SMYD3: variants seen among roughly 807,000 people sequenced by gnomAD.
SMYD3 encodes histone-lysine N-methyltransferase SMYD3.
Under a neutral mutation model 57.7 loss-of-function variants are expected in SMYD3, and 36 were observed. The observed-to-expected ratio is 0.62, with a 90% CI of 0.48 to 0.82. SMYD3 has a LOEUF of 0.82. Ranked by LOEUF, SMYD3 falls within the 40% of genes least tolerant of loss-of-function variation. The pLI is 0.00. For missense variants in SMYD3, 515 were observed against 538.8 expected (o/e 0.96, Z 0.44); for synonymous variants, 211 against 195.0 (o/e 1.08, Z -0.68).
At chr1:246,059,962 C>G (rs2060222209) in intron 5 of SMYD3, among the ~76,000 whole-genome samples, 1 of 152,046 alleles carries the variant, frequency 6.6e-6, no homozygotes, top group Non-Finnish European at 1.5e-5. Flanking sequence ...CAGAGCTACT[C>G]CAGAGACCAC....
At chr1:245,888,475 A>G (rs2053203651) in intron 8 of SMYD3, among the ~76,000 whole-genome samples, 1 of 152,200 alleles carries the variant, frequency 6.6e-6, no homozygotes, top group South Asian at 2.1e-4. Context: ...CAAGGGCAGT[A>G]CCCACAGTGC....
At chr1:246,443,401 A>G (rs1277527128) in intron 1 of SMYD3, among the ~76,000 whole-genome samples, 1 of 152,258 alleles carries the variant, frequency 6.6e-6, no homozygotes, top group African/African-American at 2.4e-5. Context: ...CTCAAAAGGC[A>G]ACAGTCTCCT....
intron 5 of SMYD3, among the ~76,000 whole-genome samples, chr1:246,185,887 T>C (rs1446105230): frequency 1.3e-5 from 2 of 152,214 alleles, no homozygotes; most frequent in Non-Finnish European, 2.9e-5. Context: ...CTTTAGTTCC[T>C]TGATTCTATG....
At chr1:245,989,614 T>C (rs1484138945) in intron 5 of SMYD3, among the ~76,000 whole-genome samples, 3 of 152,238 alleles carry the variant, frequency 2.0e-5, no homozygotes, top group Non-Finnish European at 4.4e-5. Flanking sequence ...CAACGAAGGC[T>C]TCTGCCTTAA....
chr1:246,446,529 C>T (rs151149490), intron 1 of SMYD3, among the ~76,000 whole-genome samples: 2 of 152,112 alleles, frequency 1.3e-5, no homozygotes, highest in African/African-American at 4.8e-5. Flanking sequence ...ATTAGAGGTG[C>T]TGTTTTTCTA....
chr1:246,111,559 T>C (rs992976951), intron 5 of SMYD3: 1 of 152,266 alleles, frequency 6.6e-6, no homozygotes, highest in Non-Finnish European at 1.5e-5. Context: ...ATAAGCCCTC[T>C]GGCCTCAGGA....
rs138010213 is a variant in SMYD3, at chr1:245,764,124, C to T, written c.1102G>A (p.Val368Ile). The change falls in exon 11 of 12, where the codon GTC (valine) becomes ATC (isoleucine). Residue 368 changes from valine (V) to isoleucine (I), a missense_variant. By Grantham distance (29) the Val-to-Ile change is conservative (BLOSUM62 3). Coordinates refer to ENST00000490107, the MANE Select transcript of SMYD3 (RefSeq NM_001167740.2). ...YRIFFPGSHP[V>I]RGVQVMKVGK... ...ACTTTCATCACTTGAACCCCTCTGA[C>T]GGGATGGCTTCCTGGGAAAAAAATC... The T allele has an allele frequency of 8.6e-5, 138 of 1,614,010 alleles. No individual in the cohort carries two copies. The highest frequency in any genetic ancestry group is 4.1e-4 in the South Asian group (37 of 91,040).
chr1:246,036,420 T>C (rs189257164), intron 5 of SMYD3, among the ~76,000 whole-genome samples: 10 of 152,342 alleles, frequency 6.6e-5, no homozygotes, highest in African/African-American at 2.4e-4. Context: ...CATCATTTCT[T>C]GGGATGTTAT....
intron 5 of SMYD3, among the ~76,000 whole-genome samples, chr1:246,222,982 G>A (rs993870521): frequency 6.6e-6 from 1 of 152,198 alleles, no homozygotes; most frequent in East Asian, 1.9e-4. Context: ...GATAGATGAA[G>A]TTAAATAGTT....
chr1:245,964,616 T>C (rs1016065525), intron 5 of SMYD3, among the ~76,000 whole-genome samples: 2 of 152,168 alleles, frequency 1.3e-5, no homozygotes, highest in African/African-American at 4.8e-5. Flanking sequence ...CAGATAAGTA[T>C]AAGCAGATGA....
rs143461843 is a variant in SMYD3, at chr1:245,915,659, G to A, written c.703-19C>T. On this transcript the variant is annotated intron_variant, in intron 7 of 11. Coordinates refer to ENST00000490107, the MANE Select transcript of SMYD3 (RefSeq NM_001167740.2). ...TGGTGAGCTGTGCAGGCCAGAGAGA[G>A]GGAAGCGCTGAAACATCTGCTGTGC... The A allele has an allele frequency of 3.8e-3, 5,667 of 1,509,738 alleles. 18 individuals are homozygous for A. Among genetic ancestry groups the A allele is most frequent in the Admixed American group, 5.8e-3 (344 of 58,956 alleles). The allele number at this position is 1,509,738 out of a possible 1,614,324, so 93.5% of individuals were successfully genotyped here. A position where few individuals can be genotyped will look rare whatever the true frequency, so the allele number is the denominator to read the frequency against.
At chr1:245,924,171 GT>G (rs2056194367) in intron 7 of SMYD3, among the ~76,000 whole-genome samples, 1 of 152,126 alleles carries the variant, frequency 6.6e-6, no homozygotes, top group Non-Finnish European at 1.5e-5. Flanking sequence ...CCTGATCCAT[GT>G]TTTATAAAAC....
At chr1:246,387,477 A>G (rs1448793505) in intron 1 of SMYD3, among the ~76,000 whole-genome samples, 4 of 152,244 alleles carry the variant, frequency 2.6e-5, no homozygotes, top group African/African-American at 9.6e-5. Context: ...TCCCACAGAT[A>G]TTTGTTACCA....
chr1:246,399,922 G>A (rs1391952295), intron 1 of SMYD3, among the ~76,000 whole-genome samples: 1 of 152,134 alleles, frequency 6.6e-6, no homozygotes, highest in African/African-American at 2.4e-5. Context: ...TTATGAATTT[G>A]TTATATTCTC....
intron 5 of SMYD3, among the ~76,000 whole-genome samples, chr1:246,238,893 G>T (rs201168607): frequency 3.2e-4 from 42 of 133,122 alleles, no homozygotes; most frequent in Non-Finnish European, 3.9e-4. Flanking sequence ...TCTTTGTTTG[G>T]TTTTTTTTTT....
At chr1:246,366,172 A>G (rs1426954012) in intron 1 of SMYD3, among the ~76,000 whole-genome samples, 1 of 152,244 alleles carries the variant, frequency 6.6e-6, no homozygotes, top group Non-Finnish European at 1.5e-5. Context: ...AAAAAACGCT[A>G]TAATAAATGT....
At chr1:246,228,565 T>C (rs1033691756) in intron 5 of SMYD3, among the ~76,000 whole-genome samples, 10 of 152,170 alleles carry the variant, frequency 6.6e-5, no homozygotes, top group Admixed American at 1.3e-4. Context: ...CCATTGCCTA[T>C]AGGTCAAGCT....
At chr1:246,235,352 C>T (rs1292633584) in intron 5 of SMYD3, among the ~76,000 whole-genome samples, 1 of 152,182 alleles carries the variant, frequency 6.6e-6, no homozygotes, top group Non-Finnish European at 1.5e-5. Flanking sequence ...CAGCTTCTAG[C>T]CAGATAATTA....
chr1:245,977,985 C>T (rs1430473810), intron 5 of SMYD3, among the ~76,000 whole-genome samples: 5 of 152,098 alleles, frequency 3.3e-5, no homozygotes, highest in Non-Finnish European at 7.4e-5. Context: ...AGGCTAAGCC[C>T]CTCCCTCCAT....
Sources: gnomAD v4.1 joint callset for allele counts (sites outside exome capture counted in the v4.1 genomes callset) on GRCh38, gnomAD v4.1.1 for gene constraint, MANE v1.5 for transcripts, NCBI Gene and HGNC (gene_info 2026-07-23, HGNC 2026-07-21) for gene names.